Variants in CRKL observed in about 807,000 individuals in gnomAD.
The protein encoded by CRKL is CRK like proto-oncogene, adaptor protein.
CRKL carries 3 observed loss-of-function variants against 23.0 expected under a neutral mutation model. The ratio of observed to expected loss-of-function variants is 0.13; its 90% CI spans 0.06 to 0.34. The LOEUF (loss-of-function observed/expected upper bound fraction) is 0.34, where lower values mean the gene tolerates loss of function less well. Among genes scored for constraint, CRKL ranks in the 10% least tolerant of loss-of-function variants. The pLI, the probability that CRKL is intolerant of heterozygous loss-of-function variation, is 1.00. For synonymous variants in CRKL, 188 were observed against 160.7 expected (o/e 1.17, Z -1.28); for missense variants, 256 against 394.5 (o/e 0.65, Z 2.97).
At chr22:20,923,383 TCTC>T (rs1921062276) in intron 1 of CRKL, among the ~76,000 whole-genome samples, 1 of 151,702 alleles carries the variant, frequency 6.6e-6, no homozygotes, top group South Asian at 2.1e-4. Context: ...TTCACGCCAT[TCTC>T]CTGCCTCAGC....
At chr22:20,946,094 T>C (rs1398216352) in intron 2 of CRKL, among the ~76,000 whole-genome samples, 2 of 152,192 alleles carry the variant, frequency 1.3e-5, no homozygotes, top group Non-Finnish European at 2.9e-5. Flanking sequence ...GAATTTATGA[T>C]TCCAGTGTCA....
chr22:20,919,363 G>A (rs1929804866), intron 1 of CRKL, among the ~76,000 whole-genome samples: 1 of 152,114 alleles, frequency 6.6e-6, no homozygotes, highest in African/African-American at 2.4e-5. Flanking sequence ...TGTTATTAAG[G>A]AAAATTTTTG....
intron 1 of CRKL, among the ~76,000 whole-genome samples, chr22:20,931,898 G>A (rs1297569239): frequency 2.6e-5 from 4 of 151,982 alleles, no homozygotes; most frequent in South Asian, 2.1e-4. Flanking sequence ...TGCAAGCTCC[G>A]CCTCCCGGGC....
chr22:20,945,332 A>T (rs1448990235), intron 2 of CRKL, among the ~76,000 whole-genome samples: 1 of 152,114 alleles, frequency 6.6e-6, no homozygotes, highest in Non-Finnish European at 1.5e-5. Flanking sequence ...AATATATAAG[A>T]CGCAACTGAT....
At chr22:20,927,551 A>G (rs1266125116) in intron 1 of CRKL, among the ~76,000 whole-genome samples, 3 of 146,932 alleles carry the variant, frequency 2.0e-5, no homozygotes, top group Admixed American at 6.9e-5. Flanking sequence ...TATTTCATAC[A>G]TAGAAAAGAG....
intron 1 of CRKL, among the ~76,000 whole-genome samples, chr22:20,933,125 C>G (rs1247166582): frequency 1.3e-5 from 2 of 151,772 alleles, no homozygotes; most frequent in Admixed American, 1.3e-4. Flanking sequence ...AATCCCAGCA[C>G]TTTGGGAGGC....
chr22:20,918,336 C>G (rs1929766836), intron 1 of CRKL, 91 bp downstream of exon 1: 9 of 1,388,960 alleles, frequency 6.5e-6, no homozygotes, highest in African/African-American at 2.9e-5. Flanking sequence ...GCGCTTGAAC[C>G]CATATTCCCC....
intron 1 of CRKL, among the ~76,000 whole-genome samples, chr22:20,932,748 A>G (rs1322868686): frequency 1.3e-5 from 2 of 152,212 alleles, no homozygotes; most frequent in Admixed American, 1.3e-4. Flanking sequence ...AAAAATTACA[A>G]CATGATAGAA....
intron 2 of CRKL, among the ~76,000 whole-genome samples, chr22:20,935,252 A>G (rs549057146): frequency 1.4e-4 from 21 of 151,996 alleles, no homozygotes; most frequent in Non-Finnish European, 1.9e-4. Context: ...AGCTGGGATT[A>G]CAGATGCCTG....
intron 1 of CRKL, among the ~76,000 whole-genome samples, chr22:20,929,412 G>A (rs1026749905): frequency 8.6e-5 from 13 of 151,928 alleles, no homozygotes; most frequent in Admixed American, 3.9e-4. Context: ...TGATCCGCCC[G>A]CCTTGGCCTC....
chr22:20,949,983 A>G lies in CRKL; in HGVS notation c.*138A>G, dbSNP rs979599831. 11 of 1,181,842 alleles carry G rather than the reference A, an allele frequency of 9.3e-6. No individual in the cohort carries two copies. The highest frequency in any genetic ancestry group is 1.3e-5 in the Non-Finnish European group (11 of 856,852). The allele number at this position is 1,181,842 out of a possible 1,614,324, so 73.2% of individuals were successfully genotyped here. A position where few individuals can be genotyped will look rare whatever the true frequency, so the allele number is the denominator to read the frequency against. The stretch of plus-strand genomic sequence containing the variant: ...TTTCTGCAGACTGGCAGTCGCACAC[A>G]CATTTGGAATGCACACAGCGGCTGC... On this transcript the variant is annotated 3_prime_UTR_variant, in exon 3 of 3. Coordinates refer to ENST00000354336, the MANE Select transcript of CRKL (RefSeq NM_005207.4).
In CRKL at chr22:20,950,857, AT is replaced by A. The variant is rs1922249726; in HGVS notation, c.*1014del. 1 of 231,358 alleles carries A rather than the reference AT, an allele frequency of 4.3e-6. No individual in the cohort carries two copies. The highest frequency in any genetic ancestry group is 8.5e-6 in the Non-Finnish European group (1 of 116,984). The allele number at this position is 231,358 out of a possible 1,614,324, so 14.3% of individuals were successfully genotyped here. A position where few individuals can be genotyped will look rare whatever the true frequency, so the allele number is the denominator to read the frequency against. ...GAACAACCCTGAAGCAGAGGCCTTT[AT>A]TGTCTTGGTTGCCAGTAGTACCTTG... On this transcript the variant is annotated 3_prime_UTR_variant, in exon 3 of 3. Transcript: ENST00000354336.
At chr22:20,939,233 CTTTTTTTTTTTT>C (rs140538861) in intron 2 of CRKL, among the ~76,000 whole-genome samples, 14 of 75,148 alleles carry the variant, frequency 1.9e-4, no homozygotes, top group Non-Finnish European at 3.0e-4. Context: ...ACATAAGTTG[CTTTTTTTTTTTT>C]TTTTTTTTTT....
chr22:20,925,206 G>T (rs989706491), intron 1 of CRKL, among the ~76,000 whole-genome samples: 5 of 92,332 alleles, frequency 5.4e-5, no homozygotes, highest in Non-Finnish European at 1.2e-4. Context: ...AAAAAAAAAA[G>T]AGTTGTGTTC....
In CRKL at chr22:20,949,904, G is replaced by A. The variant is rs962435561; in HGVS notation, c.*59G>A. The A allele has an allele frequency of 7.5e-5, 117 of 1,551,706 alleles. No individual in the cohort carries two copies. Among genetic ancestry groups the A allele is most frequent in the Admixed American group, 2.4e-4 (11 of 45,492 alleles). On this transcript the variant is annotated 3_prime_UTR_variant, in exon 3 of 3. Coordinates refer to ENST00000354336, the MANE Select transcript of CRKL (RefSeq NM_005207.4). ...TCTGCCTGTCCTAGTCTCCTTTGAA[G>A]TGGGAAAGCATTTTCTCTCATAGGC...
chr22:20,929,169 A>AT (rs1921345462), intron 1 of CRKL, among the ~76,000 whole-genome samples: 3 of 151,768 alleles, frequency 2.0e-5, no homozygotes, highest in South Asian at 2.1e-4. Context: ...ATTTTATTTT[A>AT]TTTATTTATT....
intron 2 of CRKL, among the ~76,000 whole-genome samples, chr22:20,939,716 T>C (rs1160742286): frequency 1.3e-5 from 2 of 152,052 alleles, no homozygotes; most frequent in African/African-American, 2.4e-5. Flanking sequence ...GTTGTCCCTC[T>C]TGAGTTTTGT....
intron 1 of CRKL, among the ~76,000 whole-genome samples, chr22:20,919,235 G>T (rs1274318116): frequency 6.6e-6 from 1 of 152,068 alleles, no homozygotes. Context: ...GATAAGAGAA[G>T]GTGCATTGGC....
rs1256269590 is a variant in CRKL, at chr22:20,948,918, C to T, written c.778-793C>T. On this transcript the variant is annotated intron_variant, in intron 2 of 2. Coordinates refer to ENST00000354336, the MANE Select transcript of CRKL (RefSeq NM_005207.4). Reference sequence around the variant, plus strand: ...CACAATACAGAACCTTAGATTAGTGCTCTGCTGAACAGAGTAACACCCTGT... The same window carrying T: ...CACAATACAGAACCTTAGATTAGTGTTCTGCTGAACAGAGTAACACCCTGT... Among the ~76,000 whole-genome samples, 3 of 152,178 alleles carry T rather than the reference C, an allele frequency of 2.0e-5. No individual in the cohort carries two copies. The East Asian group carries it at 5.8e-4, about 29-fold the overall frequency.
Sources: gnomAD v4.1 joint callset for allele counts (sites outside exome capture counted in the v4.1 genomes callset) on GRCh38, gnomAD v4.1.1 for gene constraint, MANE v1.5 for transcripts, NCBI Gene and HGNC (gene_info 2026-07-23, HGNC 2026-07-21) for gene names.